PKD1L1: variants seen among roughly 807,000 people sequenced by gnomAD.
PKD1L1 encodes polycystin-1-like protein 1.
In PKD1L1, 236 loss-of-function variants were observed where a neutral mutation model predicts 323.4. The ratio of observed to expected loss-of-function variants is 0.73; its 90% CI spans 0.66 to 0.81. PKD1L1 has a LOEUF of 0.81. Among genes scored for constraint, PKD1L1 ranks in the 40% least tolerant of loss-of-function variants. The pLI is 0.00. For missense variants in PKD1L1, 3,320 were observed against 3,508.0 expected, an observed-to-expected ratio of 0.95 and a Z score of 1.35; for synonymous variants, 1,344 against 1,335.0, an observed-to-expected ratio of 1.01 and a Z score of -0.15.
intron 22 of PKD1L1, 122 bp from the exon 23 acceptor site, chr7:47,876,339 G>A: frequency 8.5e-7 from 1 of 1,182,948 alleles, no homozygotes. Context: ...GCCAGGAAGA[G>A]GGTAAGTGAC....
chr7:47,919,332 T>C (rs1787490679), intron 7 of PKD1L1, among the ~76,000 whole-genome samples: 1 of 152,090 alleles, frequency 6.6e-6, no homozygotes, highest in African/African-American at 2.4e-5. Context: ...CAGGAAAGAA[T>C]TAGATACCAC....
intron 46 of PKD1L1, among the ~76,000 whole-genome samples, chr7:47,820,101 A>T (rs1785108668): frequency 6.6e-6 from 1 of 152,252 alleles, no homozygotes; most frequent in Admixed American, 6.5e-5. Flanking sequence ...CACTGCCTTG[A>T]AAGGACTATC....
In PKD1L1 at chr7:47,779,857, G is replaced by C. The variant is rs538667373; in HGVS notation, c.8527-4691C>G. On this transcript the variant is annotated intron_variant, in intron 56 of 56. Coordinates refer to ENST00000289672, the MANE Select transcript of PKD1L1 (RefSeq NM_138295.5). Reference sequence around the variant, plus strand: ...ACACTTGGGGAAAGGATAAACCATGGGCTGGGTGGGAGAAAGGAGGTGCCC... The same window carrying C: ...ACACTTGGGGAAAGGATAAACCATGCGCTGGGTGGGAGAAAGGAGGTGCCC... Among the ~76,000 whole-genome samples, 9 of 152,276 alleles carry C rather than the reference G, an allele frequency of 5.9e-5. No individual in the cohort carries two copies. In the East Asian group the frequency reaches 7.7e-4, roughly 13 times the overall value.
At chr7:47,779,816 C>G (rs1054513480) in intron 56 of PKD1L1, among the ~76,000 whole-genome samples, 5 of 152,132 alleles carry the variant, frequency 3.3e-5, no homozygotes, top group Non-Finnish European at 5.9e-5. Flanking sequence ...TGCTTTGGAG[C>G]TTTCATCTAT....
At chr7:47,828,927 G>A (rs982217038) in intron 44 of PKD1L1, among the ~76,000 whole-genome samples, 1 of 152,198 alleles carries the variant, frequency 6.6e-6, no homozygotes, top group African/African-American at 2.4e-5. Context: ...ATGAGCCTGT[G>A]AATGTCTTTG....
chr7:47,836,622 T>C lies in PKD1L1; in HGVS notation c.5943+299A>G, dbSNP rs145561735. ...GCCAACTTAAAAAAAAATTCAAGAG[T>C]GTTCTCAAAGACAACCGGCTGCCAG... is the stretch of plus-strand genomic sequence containing the variant. On this transcript the variant is annotated intron_variant, in intron 37 of 56. Transcript: ENST00000289672. 4.0e-3 allele frequency among the ~76,000 whole-genome samples: 612 copies of C among 152,008 alleles called. 3 individuals are homozygous for C. Among genetic ancestry groups the C allele is most frequent in the African/African-American group, 0.014 (582 of 41,436 alleles).
intron 28 of PKD1L1, among the ~76,000 whole-genome samples, chr7:47,856,583 G>A (rs1785909457): frequency 6.6e-6 from 1 of 152,148 alleles, no homozygotes; most frequent in African/African-American, 2.4e-5. Flanking sequence ...GTTGCTGGAT[G>A]CCTAGTTGAC....
At chr7:47,808,033 C>T (rs540637629) in intron 52 of PKD1L1, among the ~76,000 whole-genome samples, 6 of 152,292 alleles carry the variant, frequency 3.9e-5, no homozygotes, top group African/African-American at 9.6e-5. Flanking sequence ...TTCTGCTCCA[C>T]GCAGAATCCA....
Position 47,857,736 on chromosome 7 carries a change from C to G in PKD1L1, c.4459G>C (p.Val1487Leu). 6.2e-7 allele frequency: 1 copy of G among 1,614,080 alleles called. No individual in the cohort carries two copies. The highest frequency in any genetic ancestry group is 8.5e-7 in the Non-Finnish European group (1 of 1,180,020). The part of the protein sequence containing the change: ...LQSSVQSLGS[V>L]QVHLPGDLAG... ...AGGTCACCAGGTAAATGCACCTGGA[C>G]AGATCCCAGGCTCTGGACAGAGCTC... Residue 1487 changes from valine to leucine, a missense_variant, in exon 28 of 57, where the codon GTC (valine) becomes CTC (leucine). By Grantham distance (32) the Val-to-Leu change is conservative. Coordinates refer to ENST00000289672, the MANE Select transcript of PKD1L1 (RefSeq NM_138295.5).
At chr7:47,812,940 T>A (rs928997179) in intron 49 of PKD1L1, among the ~76,000 whole-genome samples, 181 bp downstream of exon 49, 9 of 152,242 alleles carry the variant, frequency 5.9e-5, no homozygotes, top group Non-Finnish European at 1.2e-4. Flanking sequence ...CCTGAGCCTG[T>A]GTGATGCTTC....
intron 46 of PKD1L1, among the ~76,000 whole-genome samples, chr7:47,819,301 C>T (rs1313321342): frequency 7.2e-5 from 11 of 152,154 alleles, no homozygotes; most frequent in African/African-American, 2.4e-4. Context: ...ATCTCATGTG[C>T]ACCTGAGAGA....
At chr7:47,783,395 A>C (rs1786740010) in intron 56 of PKD1L1, among the ~76,000 whole-genome samples, 3 of 150,546 alleles carry the variant, frequency 2.0e-5, no homozygotes, top group Non-Finnish European at 4.5e-5. Flanking sequence ...GTTTTGTCAG[A>C]TTAGTGAAAC....
At chr7:47,872,514 A>G (rs998026022) in intron 24 of PKD1L1, among the ~76,000 whole-genome samples, 1 of 152,254 alleles carries the variant, frequency 6.6e-6, no homozygotes, top group Non-Finnish European at 1.5e-5. Context: ...ATAAAAATAC[A>G]GATAACCTAC....
Position 47,781,390 on chromosome 7 carries a change from TTTTTTTTTGTTTTGTTTTG to T in PKD1L1, c.8527-6243_8527-6225del, listed in dbSNP as rs1318154029. Among the ~76,000 whole-genome samples the T allele has an allele frequency of 1.2e-3, 156 of 131,118 alleles. 7 individuals are homozygous for T. The highest frequency in any genetic ancestry group is 0.01 in the East Asian group (29 of 2,806). 86.0% of individuals were successfully genotyped at this position (131,118 alleles called of 152,430 possible). ...AAAGTCATTTGCAGAACAAAAGGTT[TTTTTTTTTGTTTTGTTTTG>T]TTTTTTTTTTTTTTTTTGAGACAGA... is the stretch of plus-strand genomic sequence containing the variant. On this transcript the variant is annotated intron_variant, in intron 56 of 56. Coordinates refer to ENST00000289672, the MANE Select transcript of PKD1L1 (RefSeq NM_138295.5).
chr7:47,807,106 T>C (rs1187781556), intron 52 of PKD1L1, among the ~76,000 whole-genome samples: 1 of 152,140 alleles, frequency 6.6e-6, no homozygotes, highest in Non-Finnish European at 1.5e-5. Context: ...CCTGCCAATC[T>C]GTGAGTGACA....
chr7:47,924,858 A>G (rs1266829024), intron 7 of PKD1L1, among the ~76,000 whole-genome samples: 2 of 152,230 alleles, frequency 1.3e-5, no homozygotes, highest in Non-Finnish European at 2.9e-5. Flanking sequence ...CGACATGCCC[A>G]TCATCATCAA....
At position 47,834,399 on chromosome 7, in the gene PKD1L1, A is replaced by G; in HGVS notation, c.6128-14T>C. On this transcript the variant is annotated splice_polypyrimidine_tract_variant and intron_variant, in intron 39 of 56. Transcript: ENST00000289672. ...AGGAATTAGGACCTGATTCAAAAAA[A>G]TAAAAATCCAATGTACGATGCTTTG... is the stretch of plus-strand genomic sequence containing the variant. 2.5e-6 allele frequency: 4 copies of G among 1,612,278 alleles called. No individual in the cohort carries two copies. The highest frequency in any genetic ancestry group is 3.4e-6 in the Non-Finnish European group (4 of 1,178,392).
intron 24 of PKD1L1, 35 bp downstream of exon 24, chr7:47,873,864 T>C: frequency 6.6e-7 from 1 of 1,507,186 alleles, no homozygotes; most frequent in Non-Finnish European, 9.1e-7. Context: ...ATACAAATAA[T>C]GGCTAGGATG....
Position 47,846,934 on chromosome 7 carries a change from T to G in PKD1L1, c.5098A>C (p.Lys1700Gln). The part of the protein sequence containing the change: ...RCLFWDKREW[K>Q]SERFSPQPGT... ...GGTTGTGGAGAGAAACGTTCAGATT[T>G]CCACTCTCTCTTGTCCCAAAACAGG... The change falls in exon 32 of 57, where the codon AAA (lysine) becomes CAA (glutamine). Residue 1700 changes from lysine (K) to glutamine (Q), a missense_variant. Coordinates refer to ENST00000289672, the MANE Select transcript of PKD1L1 (RefSeq NM_138295.5). 2 of 1,613,928 alleles carry G rather than the reference T, an allele frequency of 1.2e-6. No individual in the cohort carries two copies. Among genetic ancestry groups the G allele is most frequent in the Non-Finnish European group, 1.7e-6 (2 of 1,179,938 alleles).
Sources: gnomAD v4.1 joint callset for allele counts (sites outside exome capture counted in the v4.1 genomes callset) on GRCh38, gnomAD v4.1.1 for gene constraint, MANE v1.5 for transcripts, NCBI Gene and HGNC (gene_info 2026-07-23, HGNC 2026-07-21) for gene names.